Variants in IMMP2L observed in about 807,000 individuals in gnomAD.
IMMP2L encodes the protein inner mitochondrial membrane peptidase subunit 2.
In IMMP2L, 18 loss-of-function variants were observed where a neutral mutation model predicts 19.3. The observed-to-expected ratio is 0.93, with a 90% CI of 0.64 to 1.38. The LOEUF (loss-of-function observed/expected upper bound fraction) is 1.38. Among genes scored for constraint, IMMP2L ranks in the 40% most tolerant of loss-of-function variants. The pLI is 0.00. For missense variants in IMMP2L, 233 were observed against 218.2 expected (o/e 1.07, Z -0.43); for synonymous variants, 76 against 73.0 (o/e 1.04, Z -0.21).
At chr7:110,702,911 C>G (rs573092764) in intron 5 of IMMP2L, among the ~76,000 whole-genome samples, 3 of 151,972 alleles carry the variant, frequency 2.0e-5, no homozygotes, top group Admixed American at 6.6e-5. Context: ...TCTTGTTGTA[C>G]TGTACGGTCT....
chr7:110,949,826 C>T (rs533717955), intron 4 of IMMP2L, among the ~76,000 whole-genome samples: 1 of 152,218 alleles, frequency 6.6e-6, no homozygotes, highest in Admixed American at 6.5e-5. Context: ...TAGAAAGATA[C>T]AGTAGATAGC....
intron 3 of IMMP2L, among the ~76,000 whole-genome samples, chr7:111,258,046 A>C (rs1034655371): frequency 6.6e-6 from 1 of 151,898 alleles, no homozygotes; most frequent in African/African-American, 2.4e-5. Flanking sequence ...ACCTTTCTCT[A>C]AAGGATATTT....
intron 3 of IMMP2L, among the ~76,000 whole-genome samples, chr7:111,196,589 T>C (rs532661362): frequency 1.3e-5 from 2 of 152,124 alleles, no homozygotes; most frequent in Non-Finnish European, 2.9e-5. Flanking sequence ...ATAAAAGCAA[T>C]ACATGCTCAT....
intron 3 of IMMP2L, among the ~76,000 whole-genome samples, chr7:111,458,241 G>T (rs1428097613): frequency 6.6e-6 from 1 of 152,048 alleles, no homozygotes; most frequent in Non-Finnish European, 1.5e-5. Context: ...AGCTGGGCGT[G>T]ATGGCGTGCG....
chr7:111,421,727 A>C (rs943955598), intron 3 of IMMP2L, among the ~76,000 whole-genome samples: 1 of 151,664 alleles, frequency 6.6e-6, no homozygotes, highest in Non-Finnish European at 1.5e-5. Flanking sequence ...TAGTTTAATT[A>C]GATCCCATTT....
intron 3 of IMMP2L, among the ~76,000 whole-genome samples, chr7:111,422,908 T>C (rs772971030): frequency 5.9e-5 from 9 of 152,024 alleles, no homozygotes; most frequent in East Asian, 1.9e-4. Flanking sequence ...ACCTAGTTTA[T>C]TGAAAGTTTT....
chr7:110,961,872 A>AT (rs1160715613), intron 4 of IMMP2L, among the ~76,000 whole-genome samples: 1 of 151,884 alleles, frequency 6.6e-6, no homozygotes, highest in Non-Finnish European at 1.5e-5. Flanking sequence ...TAAACTCTAG[A>AT]GACTGAAAGC....
chr7:110,950,858 A>ATATATATATATATATATATATATG (rs1554470744), intron 4 of IMMP2L, among the ~76,000 whole-genome samples: 13 of 136,286 alleles, frequency 9.5e-5, no homozygotes, highest in African/African-American at 3.7e-4. Flanking sequence ...ATATATATAT[A>ATATATATATATATATATATATATG]TATATATATA....
chr7:110,897,864 T>A (rs1479132891), intron 4 of IMMP2L, among the ~76,000 whole-genome samples: 2 of 152,084 alleles, frequency 1.3e-5, no homozygotes, highest in African/African-American at 2.4e-5. Context: ...AAGGAAAGGT[T>A]TAAAAGCCAC....
At chr7:111,507,453 T>A (rs1413337692) in intron 2 of IMMP2L, among the ~76,000 whole-genome samples, 2 of 152,140 alleles carry the variant, frequency 1.3e-5, no homozygotes, top group Admixed American at 6.5e-5. Context: ...TTCACATTTT[T>A]AAAAAATGTT....
At chr7:110,719,924 G>T (rs112003532) in intron 5 of IMMP2L, among the ~76,000 whole-genome samples, 17 of 152,120 alleles carry the variant, frequency 1.1e-4, no homozygotes, top group African/African-American at 3.9e-4. Context: ...AATCAAATTG[G>T]AGATGAAATA....
chr7:110,972,139 C>A (rs1182042518), intron 3 of IMMP2L, among the ~76,000 whole-genome samples: 1 of 151,250 alleles, frequency 6.6e-6, no homozygotes. Flanking sequence ...CAATTGTAGA[C>A]TGGAATAGTA....
rs962898811 is a variant in IMMP2L at position 111,383,144 on chromosome 7, A to G, written c.239+104094T>C. Reference sequence around the variant, plus strand: ...ATCTCTCTACGGTTTCTATCTATGCACATGGAAGTAGAGAGACTGAAGAGA... The same window carrying G: ...ATCTCTCTACGGTTTCTATCTATGCGCATGGAAGTAGAGAGACTGAAGAGA... On this transcript the variant is annotated intron_variant, in intron 3 of 5. Coordinates refer to ENST00000405709, the MANE Select transcript of IMMP2L (RefSeq NM_032549.4). Among the ~76,000 whole-genome samples, 3 of 152,136 alleles carry G rather than the reference A, an allele frequency of 2.0e-5. No homozygotes were observed. The South Asian group carries it at 6.2e-4, about 32-fold the overall frequency.
intron 5 of IMMP2L, among the ~76,000 whole-genome samples, chr7:110,715,213 A>T (rs1158922848): frequency 6.6e-6 from 1 of 152,058 alleles, no homozygotes; most frequent in East Asian, 1.9e-4. Context: ...ATCCTTTTAA[A>T]GAACCAACTT....
At chr7:111,032,288 A>T (rs778271891) in intron 3 of IMMP2L, among the ~76,000 whole-genome samples, 9 of 152,114 alleles carry the variant, frequency 5.9e-5, no homozygotes, top group Non-Finnish European at 7.4e-5. Flanking sequence ...TCAATAGAAT[A>T]GAATGGAGAG....
rs371199388 is a variant in IMMP2L at position 111,541,062 on chromosome 7, T to C, written c.-2-19613A>G. On this transcript the variant is annotated intron_variant, in intron 1 of 5. Transcript: ENST00000405709. ...GTCAGAAATAAGATTTGGATTCAAG[T>C]CTTAGCTATGCCAATGAGTAAGCAA... Among the ~76,000 whole-genome samples, 16 of 152,302 alleles carry C rather than the reference T, an allele frequency of 1.1e-4. 1 individual carries two copies. The East Asian group carries it at 2.5e-3, about 24-fold the overall frequency.
At chr7:111,520,081 C>A (rs1846200840) in intron 2 of IMMP2L, among the ~76,000 whole-genome samples, 1 of 152,042 alleles carries the variant, frequency 6.6e-6, no homozygotes, top group South Asian at 2.1e-4. Flanking sequence ...GCTAGGAATT[C>A]AAGATTAAAG....
At chr7:110,779,753 AG>A (rs775385226) in intron 5 of IMMP2L, among the ~76,000 whole-genome samples, 20 of 152,008 alleles carry the variant, frequency 1.3e-4, no homozygotes, top group Non-Finnish European at 2.9e-4. Flanking sequence ...AAAATTACCC[AG>A]GTTAAAAGAG....
At position 110,816,811 on chromosome 7, in the gene IMMP2L, T is replaced by C. The variant is rs867379661; in HGVS notation, c.408+69782A>G. On this transcript the variant is annotated intron_variant, in intron 5 of 5. Transcript: ENST00000405709. ...AACCCCTGCCTTTTTTTGTTTTCCA[T>C]TTGCTTGGTAGATCTTCCTCCATCC... is the stretch of plus-strand genomic sequence containing the variant. Among the ~76,000 whole-genome samples the C allele has an allele frequency of 2.6e-5, 4 of 152,094 alleles. No homozygotes were observed. In the East Asian group the frequency reaches 5.8e-4, roughly 22 times the overall value.
Sources: allele counts gnomAD v4.1 joint callset (sites outside exome capture counted in the v4.1 genomes callset), GRCh38; gene constraint gnomAD v4.1.1; transcripts MANE v1.5; gene names NCBI Gene and HGNC (gene_info 2026-07-23, HGNC 2026-07-21).